The following ACOXL variants were observed in gnomAD, a reference collection of about 807,000 sequenced individuals.
The protein encoded by ACOXL is acyl-coenzyme A oxidase-like protein.
ACOXL carries 70 observed loss-of-function variants against 71.9 expected under a neutral mutation model. The observed-to-expected ratio is 0.97, with a 90% CI of 0.80 to 1.19. The LOEUF is 1.19. ACOXL is among the 50% of genes most tolerant of loss of function. The pLI is 0.00. For missense variants in ACOXL, 703 were observed against 736.3 expected, an observed-to-expected ratio of 0.95 and a Z score of 0.52; for synonymous variants, 253 against 281.6, an observed-to-expected ratio of 0.90 and a Z score of 1.02.
chr2:110,939,128 C>T (rs907162898), intron 12 of ACOXL, among the ~76,000 whole-genome samples: 1 of 152,210 alleles, frequency 6.6e-6, no homozygotes, highest in Non-Finnish European at 1.5e-5. Flanking sequence ...ACATAGGGCC[C>T]TGTGAAATCT....
At chr2:110,817,201 G>A (rs900822249) in intron 9 of ACOXL, among the ~76,000 whole-genome samples, 3 of 152,208 alleles carry the variant, frequency 2.0e-5, no homozygotes, top group African/African-American at 7.2e-5. Context: ...GGTCTCCCGT[G>A]GGCTAGGCTC....
intron 15 of ACOXL, among the ~76,000 whole-genome samples, chr2:111,032,096 G>A (rs2065299131): frequency 6.6e-6 from 1 of 152,220 alleles, no homozygotes; most frequent in South Asian, 2.1e-4. Flanking sequence ...TAAAGTGAGA[G>A]TGTTTTAACA....
intron 12 of ACOXL, among the ~76,000 whole-genome samples, chr2:110,970,933 A>C (rs937374850): frequency 6.6e-6 from 1 of 152,240 alleles, no homozygotes; most frequent in African/African-American, 2.4e-5. Context: ...GGTTGACATC[A>C]AAAGCACATT....
chr2:110,922,107 T>C (rs1351797713), intron 11 of ACOXL, among the ~76,000 whole-genome samples: 1 of 152,242 alleles, frequency 6.6e-6, no homozygotes, highest in Non-Finnish European at 1.5e-5. Context: ...TTACGTGTTT[T>C]ATCAATGACT....
chr2:110,994,928 C>G (rs1224079311), intron 13 of ACOXL, among the ~76,000 whole-genome samples: 1 of 152,100 alleles, frequency 6.6e-6, no homozygotes, highest in African/African-American at 2.4e-5. Flanking sequence ...GTTACCAAAT[C>G]TTGCTAAGCC....
At chr2:110,976,652 A>C (rs1226934061) in intron 12 of ACOXL, among the ~76,000 whole-genome samples, 2 of 152,218 alleles carry the variant, frequency 1.3e-5, no homozygotes, top group East Asian at 3.9e-4. Context: ...AAATACCTGG[A>C]TGGTAGTGAC....
intron 12 of ACOXL, among the ~76,000 whole-genome samples, chr2:110,972,486 G>T (rs1490197296): frequency 6.6e-6 from 1 of 152,112 alleles, no homozygotes; most frequent in Non-Finnish European, 1.5e-5. Flanking sequence ...GGTCCCCAGG[G>T]TCACCCCCAG....
At chr2:110,932,778 G>A (rs181281434) in intron 11 of ACOXL, among the ~76,000 whole-genome samples, 14 of 152,324 alleles carry the variant, frequency 9.2e-5, no homozygotes, top group Admixed American at 2.6e-4. Flanking sequence ...AGATGTCAGC[G>A]TAAGCAGTGA....
chr2:110,959,522 G>A (rs1311169938), intron 12 of ACOXL, among the ~76,000 whole-genome samples: 1 of 152,166 alleles, frequency 6.6e-6, no homozygotes, highest in Non-Finnish European at 1.5e-5. Flanking sequence ...GAGCCCAGGA[G>A]GGGCTCCTTC....
chr2:110,951,291 G>A (rs770228258), intron 12 of ACOXL, among the ~76,000 whole-genome samples: 4 of 152,104 alleles, frequency 2.6e-5, no homozygotes, highest in Non-Finnish European at 5.9e-5. Flanking sequence ...TTTGTATGTT[G>A]ATCTTATAAT....
intron 12 of ACOXL, among the ~76,000 whole-genome samples, chr2:110,943,198 GAGAA>G (rs780786091): frequency 9.3e-5 from 13 of 139,434 alleles, no homozygotes; most frequent in Admixed American, 3.8e-4. Flanking sequence ...AGGAAGGAAA[GAGAA>G]AGGAAAGGAA....
chr2:110,907,436 G>A (rs556069860), intron 10 of ACOXL, among the ~76,000 whole-genome samples: 85 of 152,228 alleles, frequency 5.6e-4, no homozygotes, highest in African/African-American at 1.9e-3. Flanking sequence ...ACTGGCTTTG[G>A]GATTTTTTTT....
At chr2:110,859,731 G>A (rs1049011125) in intron 10 of ACOXL, among the ~76,000 whole-genome samples, 16 of 152,286 alleles carry the variant, frequency 1.1e-4, no homozygotes, top group African/African-American at 3.6e-4. Context: ...TTTGCTGAGG[G>A]GTCTTTGCTC....
chr2:110,896,045 G>T (rs570845079), intron 10 of ACOXL, among the ~76,000 whole-genome samples: 6 of 152,152 alleles, frequency 3.9e-5, no homozygotes, highest in Non-Finnish European at 8.8e-5. Context: ...TTAATACACT[G>T]CCTGATGTGG....
At chr2:110,737,765 C>T (rs1238596061) in intron 1 of ACOXL, among the ~76,000 whole-genome samples, 1 of 152,204 alleles carries the variant, frequency 6.6e-6, no homozygotes. Flanking sequence ...CCTTCCACAG[C>T]TTCAGTCCGG....
At chr2:110,990,825 A>G (rs2063141376) in intron 13 of ACOXL, among the ~76,000 whole-genome samples, 2 of 152,118 alleles carry the variant, frequency 1.3e-5, no homozygotes. Context: ...ATGTTAAACT[A>G]CCCTTGCATG....
chr2:110,828,666 A>C (rs997514344), intron 9 of ACOXL, among the ~76,000 whole-genome samples: 5 of 152,234 alleles, frequency 3.3e-5, no homozygotes, highest in Admixed American at 6.5e-5. Flanking sequence ...GAGCCGTTGT[A>C]ATCCCCAAGT....
At chr2:110,951,857 T>G (rs921295624) in intron 12 of ACOXL, among the ~76,000 whole-genome samples, 3 of 152,248 alleles carry the variant, frequency 2.0e-5, no homozygotes, top group African/African-American at 7.2e-5. Context: ...TGTGTGTGTA[T>G]TTAAAAAGCT....
At chr2:110,873,922 G>A (rs1450104074) in intron 10 of ACOXL, among the ~76,000 whole-genome samples, 1 of 152,226 alleles carries the variant, frequency 6.6e-6, no homozygotes, top group East Asian at 1.9e-4. Flanking sequence ...CTGAGGATGA[G>A]GCACAGGGTA....
Sources: gnomAD v4.1 joint callset for allele counts (sites outside exome capture counted in the v4.1 genomes callset) on GRCh38, gnomAD v4.1.1 for gene constraint, MANE v1.5 for transcripts, NCBI Gene and HGNC (gene_info 2026-07-23, HGNC 2026-07-21) for gene names.